CCDC171: variants seen among roughly 807,000 people sequenced by gnomAD.
The protein encoded by CCDC171 is coiled-coil domain containing 171, also known as coiled-coil domain-containing protein 171.
In CCDC171, 177 loss-of-function variants were observed where a neutral mutation model predicts 168.2. The observed-to-expected ratio is 1.05, with a 90% confidence interval of 0.93 to 1.19. The LOEUF (loss-of-function observed/expected upper bound fraction) is 1.19. Among genes scored for constraint, CCDC171 ranks in the 50% most tolerant of loss-of-function variants. The probability of loss-of-function intolerance (pLI) is 0.00; values close to 1 mark genes in which losing one functional copy is unlikely to be tolerated. For missense variants in CCDC171, 1,991 were observed against 1,539.0 expected (o/e 1.29, Z -4.91); for synonymous variants, 687 against 540.8 (o/e 1.27, Z -3.75).
At chr9:15,619,847 C>T (rs1360528951) in intron 6 of CCDC171, among the ~76,000 whole-genome samples, 1 of 152,108 alleles carries the variant, frequency 6.6e-6, no homozygotes, top group Non-Finnish European at 1.5e-5. Flanking sequence ...GCTAATATTG[C>T]TGGTGAGTTT....
At chr9:15,947,183 T>C (rs1430769514) in intron 25 of CCDC171, among the ~76,000 whole-genome samples, 1 of 151,998 alleles carries the variant, frequency 6.6e-6, no homozygotes, top group Non-Finnish European at 1.5e-5. Context: ...CATATATTTA[T>C]TAGAAAATTA....
At chr9:15,637,633 C>A (rs868603932) in intron 7 of CCDC171, among the ~76,000 whole-genome samples, 3 of 114,932 alleles carry the variant, frequency 2.6e-5, no homozygotes, top group Admixed American at 2.2e-4. Flanking sequence ...CCCCACCCCA[C>A]AACAGTCCCC....
At chr9:16,074,269 T>C in the CCDC171 span, among the ~76,000 whole-genome samples, 1 of 152,208 alleles carries the variant, frequency 6.6e-6, no homozygotes, top group Non-Finnish European at 1.5e-5. Flanking sequence ...ATAATCTATC[T>C]CCAACAGCAT....
chr9:15,757,807 C>T lies in CCDC171; in HGVS notation c.2671+12176C>T, dbSNP rs139352856. 4.2e-3 allele frequency among the ~76,000 whole-genome samples: 637 copies of T among 152,294 alleles called. 2 individuals carry two copies. The highest frequency in any genetic ancestry group is 0.01 in the Middle Eastern group (3 of 294). ...CAGCTGTGGGGCTGAAAGGGGCCAA[C>T]GTAGAGCTTGGTCCATGGCTTCAGA... On this transcript the variant is annotated intron_variant, in intron 18 of 25. Transcript: ENST00000380701.
At chr9:16,047,781 G>A (rs1041481186) in intron 1 of CCDC171, among the ~76,000 whole-genome samples, 3 of 152,198 alleles carry the variant, frequency 2.0e-5, no homozygotes, top group Admixed American at 6.5e-5. Flanking sequence ...CAGTATTCAC[G>A]TAATCTATAA....
chr9:15,838,675 G>A (rs1411291590), intron 21 of CCDC171, among the ~76,000 whole-genome samples: 1 of 152,108 alleles, frequency 6.6e-6, no homozygotes, highest in Non-Finnish European at 1.5e-5. Flanking sequence ...CAAGCAATCT[G>A]CCCACCTCAG....
intron 6 of CCDC171, among the ~76,000 whole-genome samples, chr9:16,029,152 G>A (rs1350910746): frequency 6.6e-6 from 1 of 152,176 alleles, no homozygotes. Context: ...AAGGCAACAA[G>A]TGGTAAAAGG....
chr9:15,614,407 C>G (rs1321265743), intron 6 of CCDC171, among the ~76,000 whole-genome samples: 1 of 152,094 alleles, frequency 6.6e-6, no homozygotes, highest in Non-Finnish European at 1.5e-5. Context: ...GAGAATAGTA[C>G]AAGTTAAAAT....
intron 17 of CCDC171, among the ~76,000 whole-genome samples, chr9:15,745,015 A>G (rs934547223): frequency 1.3e-5 from 2 of 152,178 alleles, no homozygotes; most frequent in Admixed American, 6.5e-5. Flanking sequence ...TATAATTTCA[A>G]CTTTGTCTTG....
At chr9:15,592,561 A>G (rs1046005841) in intron 5 of CCDC171, among the ~76,000 whole-genome samples, 2 of 152,048 alleles carry the variant, frequency 1.3e-5, no homozygotes, top group African/African-American at 4.8e-5. Flanking sequence ...ATCAGTAGTC[A>G]TAGTTTGTTT....
At chr9:15,778,037 C>T (rs1374061970) in intron 19 of CCDC171, among the ~76,000 whole-genome samples, 2 of 152,052 alleles carry the variant, frequency 1.3e-5, no homozygotes, top group East Asian at 3.9e-4. Flanking sequence ...GTGGCTCACG[C>T]CTGTAATCCC....
the CCDC171 span, among the ~76,000 whole-genome samples, chr9:16,074,687 G>T: frequency 4.7e-4 from 71 of 152,332 alleles, no homozygotes; most frequent in East Asian, 0.013. Context: ...AGGCAAAGAG[G>T]TGGCAGAAGA....
chr9:15,576,903 G>C (rs1344473714), intron 3 of CCDC171, among the ~76,000 whole-genome samples: 1 of 152,184 alleles, frequency 6.6e-6, no homozygotes, highest in African/African-American at 2.4e-5. Flanking sequence ...CTCCTGCAAG[G>C]CAGCTGCTTC....
At position 15,808,702 on chromosome 9, in the gene CCDC171, A is replaced by G. The variant is rs533530700; in HGVS notation, c.3267+24008A>G. 8.8e-4 allele frequency among the ~76,000 whole-genome samples: 134 copies of G among 152,324 alleles called. 1 individual carries two copies. The highest frequency in any genetic ancestry group is 2.5e-3 in the African/African-American group (104 of 41,570). ...GTTGGAGTATGGAATGGAATTGAGCAGGTGAGATGAAGAGGTCAGGGAAAT... is the reference window on the plus strand; with the variant it reads ...GTTGGAGTATGGAATGGAATTGAGCGGGTGAGATGAAGAGGTCAGGGAAAT... On this transcript the variant is annotated intron_variant, in intron 21 of 25. Coordinates refer to ENST00000380701, the MANE Select transcript of CCDC171 (RefSeq NM_173550.4).
In CCDC171 at chr9:15,571,764, G is replaced by T; in HGVS notation, c.177+5G>T. On this transcript the variant is annotated splice_donor_5th_base_variant and intron_variant, in intron 3 of 25. Transcript: ENST00000380701. The stretch of plus-strand genomic sequence containing the variant: ...ACAACCAAACACAATGCAGAGGTAC[G>T]ATTTATTTTCCTCTCAAATAATGTT... 6.4e-7 allele frequency: 1 copy of T among 1,562,430 alleles called. No homozygotes were observed. The highest frequency in any genetic ancestry group is 1.2e-5 in the South Asian group (1 of 80,588).
At chr9:15,889,081 C>T (rs1819855250) in intron 24 of CCDC171, 1 of 151,140 alleles carries the variant, frequency 6.6e-6, no homozygotes, top group Non-Finnish European at 1.5e-5. Flanking sequence ...GCCTCAGCCT[C>T]CACAATAACT....
chr9:15,624,715 T>C (rs1217001049), intron 7 of CCDC171, among the ~76,000 whole-genome samples: 1 of 152,150 alleles, frequency 6.6e-6, no homozygotes. Context: ...TCTATCATTG[T>C]TGGACATTTG....
At chr9:15,962,483 A>G (rs901021450) in intron 25 of CCDC171, among the ~76,000 whole-genome samples, 4 of 152,220 alleles carry the variant, frequency 2.6e-5, no homozygotes, top group Non-Finnish European at 5.9e-5. Context: ...CTATCAATTT[A>G]TACAGTTACT....
intron 21 of CCDC171, among the ~76,000 whole-genome samples, chr9:15,833,960 C>G (rs926661032): frequency 2.0e-5 from 3 of 152,094 alleles, no homozygotes; most frequent in African/African-American, 7.2e-5. Context: ...AAGACTTTCT[C>G]TCTTAGAAAA....
Sources: gnomAD v4.1 joint callset for allele counts (sites outside exome capture counted in the v4.1 genomes callset) on GRCh38, gnomAD v4.1.1 for gene constraint, MANE v1.5 for transcripts, NCBI Gene and HGNC (gene_info 2026-07-23, HGNC 2026-07-21) for gene names.